Variants in NUBPL observed in about 807,000 individuals in gnomAD.
The protein encoded by NUBPL is iron-sulfur cluster transfer protein NUBPL.
NUBPL carries 31 observed loss-of-function variants against 45.7 expected under a neutral mutation model. That is an observed-to-expected ratio of 0.68 (90% confidence interval 0.51 to 0.92). The LOEUF is 0.92. NUBPL is among the 40% of genes least tolerant of loss of function. NUBPL has a pLI of 0.00. For missense variants in NUBPL, 401 were observed against 398.7 expected (o/e 1.01, Z -0.05); for synonymous variants, 144 against 140.9 (o/e 1.02, Z -0.15).
chr14:31,679,497 G>A (rs1379072276), intron 6 of NUBPL, among the ~76,000 whole-genome samples: 1 of 152,022 alleles, frequency 6.6e-6, no homozygotes, highest in African/African-American at 2.4e-5. Flanking sequence ...ATACAGTTAT[G>A]TTAGCATCAT....
At chr14:31,562,026 G>A in intron 1 of NUBPL, 42 bp from the exon 2 acceptor site, 3 of 1,545,066 alleles carry the variant, frequency 1.9e-6, no homozygotes, top group South Asian at 1.2e-5. Context: ...TGATGGAGAT[G>A]GCTTATTTAA....
intron 6 of NUBPL, among the ~76,000 whole-genome samples, chr14:31,778,089 G>C (rs974366894): frequency 6.6e-6 from 1 of 152,214 alleles, no homozygotes; most frequent in African/African-American, 2.4e-5. Context: ...GTCAGTGTTG[G>C]CGTGTGCCTC....
chr14:31,731,930 C>T (rs2038057071), intron 6 of NUBPL, among the ~76,000 whole-genome samples: 1 of 151,934 alleles, frequency 6.6e-6, no homozygotes, highest in African/African-American at 2.4e-5. Context: ...AGGCCGGACG[C>T]GGTGGCTCAT....
chr14:31,817,704 A>G (rs1295205304), intron 7 of NUBPL, among the ~76,000 whole-genome samples: 1 of 152,202 alleles, frequency 6.6e-6, no homozygotes, highest in Non-Finnish European at 1.5e-5. Context: ...CACTGCAAAA[A>G]CATACCAAGT....
intron 7 of NUBPL, among the ~76,000 whole-genome samples, chr14:31,823,526 G>T (rs534839948): frequency 6.6e-6 from 1 of 152,222 alleles, no homozygotes; most frequent in African/African-American, 2.4e-5. Context: ...TGTAGGAAGA[G>T]AATAGCTCTG....
At chr14:31,687,918 C>T (rs949104974) in intron 6 of NUBPL, among the ~76,000 whole-genome samples, 1 of 152,120 alleles carries the variant, frequency 6.6e-6, no homozygotes, top group Non-Finnish European at 1.5e-5. Context: ...ACCTAAGGAC[C>T]ATTGTGAGAA....
chr14:31,662,610 T>C (rs2036301016), intron 4 of NUBPL, among the ~76,000 whole-genome samples: 2 of 152,210 alleles, frequency 1.3e-5, no homozygotes, highest in Admixed American at 6.5e-5. Context: ...CTGAGAATGA[T>C]GGTTTCCAGC....
intron 4 of NUBPL, among the ~76,000 whole-genome samples, chr14:31,660,203 C>G (rs10149800): frequency 0.038 from 5,801 of 152,140 alleles, 161 homozygotes; most frequent in African/African-American, 0.082. Flanking sequence ...AGTTTTGACC[C>G]ATTCCACTTT....
chr14:31,848,485 G>A (rs2040488101), intron 9 of NUBPL, among the ~76,000 whole-genome samples: 2 of 152,150 alleles, frequency 1.3e-5, no homozygotes, highest in African/African-American at 2.4e-5. Flanking sequence ...TAGCTCTTGA[G>A]AACCTTATCT....
intron 4 of NUBPL, among the ~76,000 whole-genome samples, chr14:31,660,748 A>G (rs2036249194): frequency 6.6e-6 from 1 of 152,200 alleles, no homozygotes; most frequent in Admixed American, 6.5e-5. Flanking sequence ...CATGGTGTTC[A>G]GCTACATTTC....
intron 6 of NUBPL, among the ~76,000 whole-genome samples, chr14:31,744,057 C>G (rs987629931): frequency 6.6e-6 from 1 of 151,830 alleles, no homozygotes; most frequent in Non-Finnish European, 1.5e-5. Flanking sequence ...GGCTTAGCAT[C>G]TAGATAGGGA....
At chr14:31,688,696 G>C (rs1441876453) in intron 6 of NUBPL, among the ~76,000 whole-genome samples, 1 of 137,508 alleles carries the variant, frequency 7.3e-6, no homozygotes. Flanking sequence ...CAGGGGTTCA[G>C]ATAAGGGTTT....
chr14:31,803,452 A>T (rs1486895309), intron 7 of NUBPL, among the ~76,000 whole-genome samples: 1 of 123,914 alleles, frequency 8.1e-6, no homozygotes, highest in Non-Finnish European at 1.9e-5. Context: ...TTTGTAATTT[A>T]TAATGACCTC....
intron 4 of NUBPL, among the ~76,000 whole-genome samples, chr14:31,670,697 C>T (rs1278038048): frequency 1.3e-5 from 2 of 152,160 alleles, no homozygotes; most frequent in African/African-American, 2.4e-5. Context: ...TATGACTAGC[C>T]AGTTATCCCA....
chr14:31,646,183 G>T (rs961437173), intron 4 of NUBPL, among the ~76,000 whole-genome samples: 1 of 151,768 alleles, frequency 6.6e-6, no homozygotes, highest in Admixed American at 6.6e-5. Flanking sequence ...TCCCTTCCCT[G>T]CCCTTCCCCC....
intron 8 of NUBPL, among the ~76,000 whole-genome samples, chr14:31,828,497 C>T (rs1289018930): frequency 1.3e-5 from 2 of 152,198 alleles, no homozygotes; most frequent in Non-Finnish European, 2.9e-5. Flanking sequence ...CTTAACTTCT[C>T]ATTCTGTAAG....
rs192704797 is a variant in NUBPL at position 31,647,542 on chromosome 14, G to T, written c.383-25813G>T. On this transcript the variant is annotated intron_variant, in intron 4 of 10. Transcript: ENST00000281081. Reference sequence around the variant, plus strand: ...TGGCAATGTTGGAAGGCTGGCTAGGGGTTTGTGCACAGGGGACCTGTGTAA... The same window carrying T: ...TGGCAATGTTGGAAGGCTGGCTAGGTGTTTGTGCACAGGGGACCTGTGTAA... Among the ~76,000 whole-genome samples the T allele has an allele frequency of 5.3e-5, 8 of 152,260 alleles. No homozygotes were observed. The East Asian group carries it at 1.4e-3, about 26-fold the overall frequency.
chr14:31,674,938 C>T (rs1352935208), intron 6 of NUBPL, among the ~76,000 whole-genome samples: 1 of 152,012 alleles, frequency 6.6e-6, no homozygotes, highest in Non-Finnish European at 1.5e-5. Flanking sequence ...AGATCGAGAC[C>T]ATCCTGGCTA....
intron 7 of NUBPL, among the ~76,000 whole-genome samples, chr14:31,801,409 G>A (rs80237938): frequency 6.6e-6 from 1 of 152,112 alleles, no homozygotes; most frequent in Non-Finnish European, 1.5e-5. Context: ...CTCCTTCATG[G>A]TTATAATTGT....
Sources: gnomAD v4.1 joint callset for allele counts (sites outside exome capture counted in the v4.1 genomes callset) on GRCh38, gnomAD v4.1.1 for gene constraint, MANE v1.5 for transcripts, NCBI Gene and HGNC (gene_info 2026-07-23, HGNC 2026-07-21) for gene names.